Variants in SLC9A2 observed in about 807,000 individuals in gnomAD.
The protein encoded by SLC9A2 is solute carrier family 9 member A2, also known as sodium/hydrogen exchanger 2.
A neutral mutation model predicts 71.7 loss-of-function variants in SLC9A2; 42 were observed. The observed-to-expected ratio is 0.59, with a 90% CI of 0.46 to 0.76. SLC9A2 has a LOEUF of 0.76. Ranked by LOEUF, SLC9A2 falls within the 30% of genes least tolerant of loss-of-function variation. The probability of loss-of-function intolerance (pLI) is 0.00; values close to 1 mark genes in which losing one functional copy is unlikely to be tolerated. For missense variants in SLC9A2, 829 were observed against 1,017.4 expected, an observed-to-expected ratio of 0.81 and a Z score of 2.52; for synonymous variants, 396 against 392.5, an observed-to-expected ratio of 1.01 and a Z score of -0.10.
intron 7 of SLC9A2, chr2:102,697,556 T>C (rs897756444): frequency 6.7e-6 from 1 of 150,026 alleles, no homozygotes; most frequent in African/African-American, 2.4e-5. Context: ...ACGCACAACT[T>C]TTTTTCCAGG....
At chr2:102,625,629 G>A (rs1426700143) in intron 1 of SLC9A2, among the ~76,000 whole-genome samples, 1 of 152,052 alleles carries the variant, frequency 6.6e-6, no homozygotes, top group African/African-American at 2.4e-5. Flanking sequence ...CTTCATCCAT[G>A]TCCCTACAAA....
In SLC9A2 at chr2:102,657,880, C is replaced by T; in HGVS notation, c.606C>T (p.Ile202=). 1 of 1,614,224 alleles carries T rather than the reference C, an allele frequency of 6.2e-7. No individual in the cohort carries two copies. Among genetic ancestry groups the T allele is most frequent in the Middle Eastern group, 1.6e-4 (1 of 6,062 alleles). ...CQIEAFGLSD[I]TLLQNLLFGS... The stretch of plus-strand genomic sequence containing the variant: ...TCGAAGCATTCGGCCTCAGCGACAT[C>T]ACTTTGCTCCAGAACCTGCTCTTTG... Residue 202 remains isoleucine, a synonymous_variant, in exon 2 of 12, where the codon ATC becomes ATT. Coordinates refer to ENST00000233969, the MANE Select transcript of SLC9A2 (RefSeq NM_003048.6).
rs201088980 is a variant in SLC9A2 at position 102,694,326 on chromosome 2, TA to T, written c.1426-82del. The T allele has an allele frequency of 7.7e-3, 2,872 of 372,792 alleles. 67 individuals are homozygous for T. The highest frequency in any genetic ancestry group is 0.051 in the African/African-American group (2,363 of 46,366). 23.1% of individuals were successfully genotyped at this position (372,792 alleles called of 1,614,324 possible). ...CCCTTGAATATTAAAATGTAGTTTA[TA>T]AAAAATTTATATTAAAATTTTTATA... is the stretch of plus-strand genomic sequence containing the variant. On this transcript the variant is annotated intron_variant, in intron 5 of 11. Coordinates refer to ENST00000233969, the MANE Select transcript of SLC9A2 (RefSeq NM_003048.6).
chr2:102,696,114 G>A (rs1677764121), intron 7 of SLC9A2, among the ~76,000 whole-genome samples: 1 of 151,940 alleles, frequency 6.6e-6, no homozygotes, highest in African/African-American at 2.4e-5. Flanking sequence ...TTGCTAGTGG[G>A]AGCTCATCAC....
At chr2:102,624,094 TATAAC>T (rs1273300052) in intron 1 of SLC9A2, among the ~76,000 whole-genome samples, 3 of 152,136 alleles carry the variant, frequency 2.0e-5, no homozygotes, top group Middle Eastern at 3.2e-3. Context: ...GTTTTGTAAT[TATAAC>T]ATTTACCAAA....
chr2:102,710,593 T>A lies in SLC9A2; in HGVS notation c.*2104T>A, dbSNP rs1678087050. The A allele has an allele frequency of 6.6e-6, 1 of 152,216 alleles. No individual in the cohort carries two copies. Among genetic ancestry groups the A allele is most frequent in the Non-Finnish European group, 1.5e-5 (1 of 68,030 alleles). 9.4% of individuals were successfully genotyped at this position (152,216 alleles called of 1,614,324 possible). A position where few individuals can be genotyped will look rare whatever the true frequency, so the allele number is the denominator to read the frequency against. ...TATGTATAAAGGAAAACTTAAATCT[T>A]AATTATTATCAGTTTAAATTTTTTT... On this transcript the variant is annotated 3_prime_UTR_variant, in exon 12 of 12. Coordinates refer to ENST00000233969, the MANE Select transcript of SLC9A2 (RefSeq NM_003048.6).
rs1676093618 is a variant in SLC9A2, at chr2:102,619,682, G to A, written c.-167G>A. On this transcript the variant is annotated 5_prime_UTR_variant, in exon 1 of 12. Transcript: ENST00000233969. This position sits in a 1 kb window ranked among gnomAD's most constrained non-coding sequence, Gnocchi z 4.3. Reference sequence around the variant, plus strand: ...AGGCAGTGCGCCTGCTCGCAGCGAGGACCTAGCCCTCTGGTTGCAGAGACC... The same window carrying A: ...AGGCAGTGCGCCTGCTCGCAGCGAGAACCTAGCCCTCTGGTTGCAGAGACC... 1.9e-6 allele frequency: 1 copy of A among 526,204 alleles called. No homozygotes were observed. The highest frequency in any genetic ancestry group is 3.1e-6 in the Non-Finnish European group (1 of 318,796). The allele number at this position is 526,204 out of a possible 1,614,324, so 32.6% of individuals were successfully genotyped here.
chr2:102,704,469 GTC>G, intron 9 of SLC9A2, 73 bp from the exon 10 acceptor site: 1 of 1,456,072 alleles, frequency 6.9e-7, no homozygotes, highest in South Asian at 1.2e-5. Flanking sequence ...ATGTGGTAAA[GTC>G]TTGGAATTTC....
At position 102,681,689 on chromosome 2, in the gene SLC9A2, C is replaced by A. The variant is rs79995660; in HGVS notation, c.1005-1572C>A. On this transcript the variant is annotated intron_variant, in intron 3 of 11. Coordinates refer to ENST00000233969, the MANE Select transcript of SLC9A2 (RefSeq NM_003048.6). ...AAGGCCATTCCTTCTTTTGGGAAAC[C>A]AATAAATTATGCATTCTTCACTTAT... 7.2e-3 allele frequency among the ~76,000 whole-genome samples: 1,101 copies of A among 152,176 alleles called. 14 individuals are homozygous for A. Among genetic ancestry groups the A allele is most frequent in the African/African-American group, 0.025 (1,024 of 41,520 alleles).
chr2:102,676,718 T>C (rs1677351706), intron 3 of SLC9A2, among the ~76,000 whole-genome samples: 1 of 152,372 alleles, frequency 6.6e-6, no homozygotes, highest in African/African-American at 2.4e-5. Context: ...TGGAATAATT[T>C]AATTTACTTC....
chr2:102,643,357 T>C (rs1180863151), intron 1 of SLC9A2, among the ~76,000 whole-genome samples: 1 of 152,200 alleles, frequency 6.6e-6, no homozygotes, highest in Non-Finnish European at 1.5e-5. Context: ...ATTCAGACTT[T>C]GCTGCAGTTG....
At chr2:102,662,792 G>C (rs948272359) in intron 2 of SLC9A2, among the ~76,000 whole-genome samples, 1 of 151,736 alleles carries the variant, frequency 6.6e-6, no homozygotes, top group Non-Finnish European at 1.5e-5. Flanking sequence ...CAGGTGTTTT[G>C]AGACTATGAG....
intron 2 of SLC9A2, among the ~76,000 whole-genome samples, chr2:102,659,374 G>A (rs932951448): frequency 5.9e-5 from 9 of 152,038 alleles, no homozygotes; most frequent in African/African-American, 2.2e-4. Flanking sequence ...CAGTGAGGCG[G>A]AGGTTGCAAT....
At chr2:102,655,884 G>A (rs865861389) in intron 1 of SLC9A2, among the ~76,000 whole-genome samples, 2 of 152,216 alleles carry the variant, frequency 1.3e-5, no homozygotes, top group Non-Finnish European at 2.9e-5. Flanking sequence ...AGAAGGCAGA[G>A]GGCATGTGAG....
intron 1 of SLC9A2, among the ~76,000 whole-genome samples, chr2:102,657,247 C>T (rs1048073969): frequency 6.6e-5 from 10 of 151,964 alleles, no homozygotes; most frequent in Admixed American, 3.3e-4. Context: ...TTGTGTTATT[C>T]CATTTCCACA....
intron 3 of SLC9A2, among the ~76,000 whole-genome samples, chr2:102,673,669 C>G (rs756894417): frequency 6.6e-6 from 1 of 152,072 alleles, no homozygotes; most frequent in Non-Finnish European, 1.5e-5. Flanking sequence ...AGGATGATAT[C>G]CTTTCTGGCC....
intron 3 of SLC9A2, among the ~76,000 whole-genome samples, chr2:102,669,500 A>G (rs1677204323): frequency 6.6e-6 from 1 of 152,178 alleles, no homozygotes. Flanking sequence ...CAGCACCAGA[A>G]CTGTAGTAAA....
intron 1 of SLC9A2, among the ~76,000 whole-genome samples, chr2:102,637,073 G>A (rs1367616430): frequency 6.6e-6 from 1 of 152,196 alleles, no homozygotes; most frequent in East Asian, 1.9e-4. Flanking sequence ...AAAAGTTAAA[G>A]ATGGGTGGAA....
chr2:102,644,642 C>T (rs879304092), intron 1 of SLC9A2, among the ~76,000 whole-genome samples: 2 of 152,128 alleles, frequency 1.3e-5, no homozygotes, highest in African/African-American at 2.4e-5. Flanking sequence ...GGGGTACCTG[C>T]CATTACTGAG....
Sources: allele counts gnomAD v4.1 joint callset (sites outside exome capture counted in the v4.1 genomes callset), GRCh38; gene constraint gnomAD v4.1.1; non-coding constraint Gnocchi (gnomAD v3.1); transcripts MANE v1.5; gene names NCBI Gene and HGNC (gene_info 2026-07-23, HGNC 2026-07-21).